The following KATNIP variants were observed in gnomAD, a reference collection of about 807,000 sequenced individuals.
KATNIP encodes katanin interacting protein.
A neutral mutation model predicts 174.0 loss-of-function variants in KATNIP; 126 were observed. The ratio of observed to expected loss-of-function variants is 0.72; its 90% CI spans 0.63 to 0.84. The LOEUF (loss-of-function observed/expected upper bound fraction) is 0.84, where lower values mean the gene tolerates loss of function less well. Among genes scored for constraint, KATNIP ranks in the 40% least tolerant of loss-of-function variants. The pLI is 0.00. For synonymous variants in KATNIP, 810 were observed against 835.7 expected, an observed-to-expected ratio of 0.97 and a Z score of 0.53; for missense variants, 1,958 against 2,109.7, an observed-to-expected ratio of 0.93 and a Z score of 1.41.
chr16:27,580,107 G>A (rs1186785712), intron 2 of KATNIP, among the ~76,000 whole-genome samples: 1 of 151,974 alleles, frequency 6.6e-6, no homozygotes, highest in African/African-American at 2.4e-5. Context: ...TTATCTTGTT[G>A]CTATCTTTTT....
chr16:27,732,884 G>T (rs2080748932), intron 14 of KATNIP, among the ~76,000 whole-genome samples: 1 of 152,232 alleles, frequency 6.6e-6, no homozygotes, highest in Non-Finnish European at 1.5e-5. Flanking sequence ...CTGCAGAGGT[G>T]CCAGTAAATG....
chr16:27,743,865 G>A lies in KATNIP; in HGVS notation c.2623+2945G>A, dbSNP rs527342923. On this transcript the variant is annotated intron_variant, in intron 15 of 27. Transcript: ENST00000261588. ...ACAGCCATCATCACCCACCTGCCCC[G>A]GGAAAGCCAGGCCTTCCAAGCTTTC... 4.6e-5 allele frequency among the ~76,000 whole-genome samples: 7 copies of A among 152,172 alleles called. No individual in the cohort carries two copies. The East Asian group carries it at 5.8e-4, about 13-fold the overall frequency.
At chr16:27,678,712 T>C (rs575731147) in intron 7 of KATNIP, among the ~76,000 whole-genome samples, 3 of 152,040 alleles carry the variant, frequency 2.0e-5, no homozygotes, top group African/African-American at 4.8e-5. Context: ...GTCCAGCCAA[T>C]AGGACTAAGG....
intron 8 of KATNIP, chr16:27,687,636 C>A (rs763369297): frequency 2.0e-5 from 3 of 152,196 alleles, no homozygotes; most frequent in Non-Finnish European, 4.4e-5. Flanking sequence ...CTAATATAAT[C>A]TCCTTCTAGA....
intron 14 of KATNIP, among the ~76,000 whole-genome samples, chr16:27,723,514 A>G (rs529400946): frequency 7.2e-5 from 11 of 151,892 alleles, no homozygotes; most frequent in African/African-American, 2.7e-4. Context: ...GACCTCATGA[A>G]CATGTTCCAC....
intron 13 of KATNIP, among the ~76,000 whole-genome samples, chr16:27,711,310 T>G (rs540987731): frequency 5.3e-5 from 8 of 152,296 alleles, no homozygotes; most frequent in African/African-American, 1.9e-4. Context: ...CTGTCCTACT[T>G]AGTTGACTGT....
At chr16:27,741,863 C>T (rs1213504087) in intron 15 of KATNIP, among the ~76,000 whole-genome samples, 1 of 152,112 alleles carries the variant, frequency 6.6e-6, no homozygotes, top group Non-Finnish European at 1.5e-5. Flanking sequence ...AATTGTGCCA[C>T]TGCACTCCAG....
chr16:27,760,987 G>A (rs899475172), intron 18 of KATNIP, among the ~76,000 whole-genome samples: 1 of 152,158 alleles, frequency 6.6e-6, no homozygotes, highest in African/African-American at 2.4e-5. Context: ...TGGAGAGAGA[G>A]GAATATAAAT....
chr16:27,640,918 C>T (rs138545929), intron 5 of KATNIP, among the ~76,000 whole-genome samples: 3,331 of 152,102 alleles, frequency 0.022, 139 homozygotes, highest in African/African-American at 0.076. Context: ...GGTGGATCAC[C>T]TGAGGTCAGG....
chr16:27,667,342 A>G (rs1442346030), intron 6 of KATNIP, among the ~76,000 whole-genome samples: 1 of 152,284 alleles, frequency 6.6e-6, no homozygotes, highest in Non-Finnish European at 1.5e-5. Flanking sequence ...TGTTGAATAC[A>G]TGGATGAATG....
chr16:27,650,197 A>G (rs1392340097), intron 6 of KATNIP, among the ~76,000 whole-genome samples: 1 of 151,434 alleles, frequency 6.6e-6, no homozygotes, highest in East Asian at 1.9e-4. Context: ...TGGCTTGGCA[A>G]GGAGCAATGA....
At chr16:27,766,615 G>C in intron 20 of KATNIP, 141 bp downstream of exon 20, 1 of 836,888 alleles carries the variant, frequency 1.2e-6, no homozygotes, top group Non-Finnish European at 1.8e-6. Flanking sequence ...TCCAGGGAGA[G>C]AGAGAGCTGC....
In KATNIP at chr16:27,690,315, C is replaced by CAGATAGATAGATAGATAGAT. The variant is rs3056270; in HGVS notation, c.941-7984_941-7965dup. Reference sequence around the variant, plus strand: ...CGGGTGACAGAGTGAGACCCCATCTCAGATAGATAGATAGATAGATAGATA... The same window carrying CAGATAGATAGATAGATAGAT: ...CGGGTGACAGAGTGAGACCCCATCTCAGATAGATAGATAGATAGATAGATAGATAGATAGATAGATAGATA... On this transcript the variant is annotated intron_variant, in intron 8 of 27. Coordinates refer to ENST00000261588, the MANE Select transcript of KATNIP (RefSeq NM_015202.5). Among the ~76,000 whole-genome samples, 511 of 128,738 alleles carry CAGATAGATAGATAGATAGAT rather than the reference C, an allele frequency of 4.0e-3. 5 individuals carry two copies. Among genetic ancestry groups the CAGATAGATAGATAGATAGAT allele is most frequent in the East Asian group, 7.6e-3 (31 of 4,072 alleles). The allele number at this position is 128,738 out of a possible 152,430, so 84.5% of individuals were successfully genotyped here. A position where few individuals can be genotyped will look rare whatever the true frequency, so the allele number is the denominator to read the frequency against.
chr16:27,700,869 A>C (rs1345804481), intron 10 of KATNIP, among the ~76,000 whole-genome samples: 1 of 152,164 alleles, frequency 6.6e-6, no homozygotes, highest in African/African-American at 2.4e-5. Flanking sequence ...AGTTCCCATC[A>C]TCCTCGTCTG....
chr16:27,748,151 C>G (rs1422312764), intron 15 of KATNIP, among the ~76,000 whole-genome samples: 1 of 152,220 alleles, frequency 6.6e-6, no homozygotes, highest in Non-Finnish European at 1.5e-5. Flanking sequence ...CGCCGTGGCT[C>G]TCATGTTCCA....
rs1486625508 is a variant in KATNIP, at chr16:27,751,721, C to T, written c.3349C>T (p.Pro1117Ser). The change falls in exon 17 of 28, where the codon CCA (proline) becomes TCA (serine). Residue 1117 changes from proline (P) to serine (S), a missense_variant and splice_region_variant. This residue lies in a region of KATNIP where 1,557 missense variants were observed against 1,617.8 expected (regional missense o/e 0.96). Coordinates refer to ENST00000261588, the MANE Select transcript of KATNIP (RefSeq NM_015202.5). ...CTGTCATCTTGATAACCCATTAGCCCCAGAGCACTTTGGAGACACGATCTT... is the reference window on the plus strand; with the variant it reads ...CTGTCATCTTGATAACCCATTAGCCTCAGAGCACTTTGGAGACACGATCTT... ...AKASGTLAGA[P>S]EHFGDTILFT... 6 of 1,614,016 alleles carry T rather than the reference C, an allele frequency of 3.7e-6. No individual in the cohort carries two copies. The highest frequency in any genetic ancestry group is 2.7e-5 in the African/African-American group (2 of 74,914).
At chr16:27,734,064 G>A (rs951352600) in intron 14 of KATNIP, among the ~76,000 whole-genome samples, 13 of 151,900 alleles carry the variant, frequency 8.6e-5, no homozygotes, top group African/African-American at 4.8e-5. Context: ...TAGTCTATAA[G>A]GACTTATTTA....
chr16:27,584,537 T>C (rs1596803734), intron 2 of KATNIP, among the ~76,000 whole-genome samples: 1 of 152,174 alleles, frequency 6.6e-6, no homozygotes, highest in South Asian at 2.1e-4. Flanking sequence ...CTCACGCCTG[T>C]AATCCCAGCA....
rs941431949 is a variant in KATNIP at position 27,575,749 on chromosome 16, G to A, written c.63+1793G>A. 3.3e-5 allele frequency among the ~76,000 whole-genome samples: 5 copies of A among 152,264 alleles called. 1 individual carries two copies. The East Asian group carries it at 7.7e-4, about 23-fold the overall frequency. On this transcript the variant is annotated intron_variant, in intron 2 of 27. Transcript: ENST00000261588. ...TCCTTCATCAGCTGTAACCAGAACA[G>A]CCAGTTTGCATTTTCTTTTTCTTTC...
Sources: allele counts gnomAD v4.1 joint callset (sites outside exome capture counted in the v4.1 genomes callset), GRCh38; gene constraint gnomAD v4.1.1; regional missense constraint gnomAD v4.1.1; transcripts MANE v1.5; gene names NCBI Gene and HGNC (gene_info 2026-07-23, HGNC 2026-07-21).